DUSP7: variants seen among roughly 807,000 people sequenced by gnomAD.
DUSP7 encodes the protein dual specificity phosphatase 7.
DUSP7 carries 7 observed loss-of-function variants against 29.8 expected under a neutral mutation model. That is an observed-to-expected ratio of 0.24 (90% CI 0.13 to 0.44). The LOEUF is 0.44. Ranked by LOEUF, DUSP7 falls within the 20% of genes least tolerant of loss-of-function variation. DUSP7 has a pLI of 1.00. For synonymous variants in DUSP7, 287 were observed against 275.4 expected (o/e 1.04, Z -0.42); for missense variants, 400 against 583.7 (o/e 0.69, Z 3.24).
Position 52,050,566 on chromosome 3 carries a change from T to C in DUSP7, c.*249A>G. 4.0e-6 allele frequency: 2 copies of C among 498,572 alleles called. No individual in the cohort carries two copies. The highest frequency in any genetic ancestry group is 2.8e-5 in the South Asian group (1 of 35,394). 30.9% of individuals were successfully genotyped at this position (498,572 alleles called of 1,614,324 possible). A position where few individuals can be genotyped will look rare whatever the true frequency, so the allele number is the denominator to read the frequency against. ...GAGCGTCCTGGACAGGATGAGGCCC[T>C]GGTGGACGCCCAAAGCCACGTGTCC... On this transcript the variant is annotated 3_prime_UTR_variant, in exon 3 of 3. Coordinates refer to ENST00000495880, the MANE Select transcript of DUSP7 (RefSeq NM_001947.4). The surrounding 1 kb of genome is among the most constrained non-coding windows in gnomAD (Gnocchi z 5.0).
At position 52,053,420 on chromosome 3, in the gene DUSP7, A is replaced by C; in HGVS notation, c.952+520T>G. ...GCAAGCCCTACAGGCTGCAGAGAGC[A>C]TCTGGAGGCTGACTGAGCTAGCAGT... On this transcript the variant is annotated intron_variant, in intron 2 of 2. Transcript: ENST00000495880. The surrounding 1 kb of genome is among the most constrained non-coding windows in gnomAD (Gnocchi z 4.6). 5.3e-6 allele frequency: 1 copy of C among 188,030 alleles called. No homozygotes were observed. Among genetic ancestry groups the C allele is most frequent in the Non-Finnish European group, 1.1e-5 (1 of 88,594 alleles). The allele number at this position is 188,030 out of a possible 1,614,324, so 11.6% of individuals were successfully genotyped here.
At position 52,056,248 on chromosome 3, in the gene DUSP7, C is replaced by A; in HGVS notation, c.119G>T (p.Gly40Val). 5.1e-6 allele frequency: 7 copies of A among 1,383,268 alleles called. No homozygotes were observed. Among genetic ancestry groups the A allele is most frequent in the Admixed American group, 3.4e-5 (1 of 29,442 alleles). 85.7% of individuals were successfully genotyped at this position (1,383,268 alleles called of 1,614,324 possible). A position where few individuals can be genotyped will look rare whatever the true frequency, so the allele number is the denominator to read the frequency against. Residue 40 changes from glycine to valine, a missense_variant, in exon 1 of 3, where the codon GGC becomes GTC. By Grantham distance (109) the Gly-to-Val change is moderately radical. Around this residue, in one of 4 missense-constraint regions of DUSP7, gnomAD observed 96 missense variants for 97.1 expected, o/e 0.99. Transcript: ENST00000495880. This position sits in a 1 kb window ranked among gnomAD's most constrained non-coding sequence, Gnocchi z 6.4. Reference sequence around the variant, plus strand: ...CCCCGTCGCCGCGCCCGCCCCGGTGCCTGCGCCGGACCCCGACCCCGCACC... The same window carrying A: ...CCCCGTCGCCGCGCCCGCCCCGGTGACTGCGCCGGACCCCGACCCCGCACC... ...EPGAGSGSGA[G>V]TGAGAATGAG...
In DUSP7 at chr3:52,056,268, C is replaced by T. The variant is rs1180864692; in HGVS notation, c.99G>A (p.Ala33=). 3.0e-6 allele frequency: 4 copies of T among 1,314,064 alleles called. No individual in the cohort carries two copies. Among genetic ancestry groups the T allele is most frequent in the East Asian group, 3.2e-5 (1 of 31,320 alleles). 81.4% of individuals were successfully genotyped at this position (1,314,064 alleles called of 1,614,324 possible). A position where few individuals can be genotyped will look rare whatever the true frequency, so the allele number is the denominator to read the frequency against. Residue 33 remains alanine (A), a synonymous_variant, in exon 1 of 3, where the codon GCG becomes GCA. Coordinates refer to ENST00000495880, the MANE Select transcript of DUSP7 (RefSeq NM_001947.4). The surrounding 1 kb of genome is among the most constrained non-coding windows in gnomAD (Gnocchi z 6.4). ...GGTRAGSEPG[A]GSGSGAGTGA... ...CGGTGCCTGCGCCGGACCCCGACCC[C>T]GCACCGGGCTCGGACCCCGCCCGGG...
rs565813123 is a variant in DUSP7, at chr3:52,055,254, G to A, written c.517+596C>T. Reference sequence around the variant, plus strand: ...CCGGTGCTACCTCTCCCTTCTGCAAGCTCCGGGGCAGCAGGCTAGGGACCT... The same window carrying A: ...CCGGTGCTACCTCTCCCTTCTGCAAACTCCGGGGCAGCAGGCTAGGGACCT... On this transcript the variant is annotated intron_variant, in intron 1 of 2. Coordinates refer to ENST00000495880, the MANE Select transcript of DUSP7 (RefSeq NM_001947.4). Among the ~76,000 whole-genome samples the A allele has an allele frequency of 1.0e-3, 154 of 149,410 alleles. 1 individual carries two copies. Among genetic ancestry groups the A allele is most frequent in the Non-Finnish European group, 2.1e-3 (141 of 67,688 alleles).
At chr3:52,055,615 G>A (rs923125975) in intron 1 of DUSP7, among the ~76,000 whole-genome samples, 2 of 152,228 alleles carry the variant, frequency 1.3e-5, no homozygotes, top group Non-Finnish European at 2.9e-5. Context: ...CCCCAGGCAG[G>A]GGAAAGTTTG....
rs1324257171 is a variant in DUSP7, at chr3:52,054,404, G to A, written c.518-30C>T. ...GTCCAGGGTGAGACAGGGCCTGGGT[G>A]AGAGGCTGGTGAGAGCCCAGATGGG... On this transcript the variant is annotated intron_variant, in intron 1 of 2. Coordinates refer to ENST00000495880, the MANE Select transcript of DUSP7 (RefSeq NM_001947.4). This position sits in a 1 kb window ranked among gnomAD's most constrained non-coding sequence, Gnocchi z 4.1. 12 of 1,512,414 alleles carry A rather than the reference G, an allele frequency of 7.9e-6. No homozygotes were observed. The highest frequency in any genetic ancestry group is 6.8e-5 in the Admixed American group (3 of 44,438). The allele number at this position is 1,512,414 out of a possible 1,614,324, so 93.7% of individuals were successfully genotyped here.
At position 52,050,249 on chromosome 3, in the gene DUSP7, A is replaced by G. The variant is rs2106890055; in HGVS notation, c.*566T>C. ...TTTCCATTAAAAAACAAAAACAAAA[A>G]CAAACACGATACTTGCTTTTTGAAA... On this transcript the variant is annotated 3_prime_UTR_variant, in exon 3 of 3. Coordinates refer to ENST00000495880, the MANE Select transcript of DUSP7 (RefSeq NM_001947.4). The surrounding 1 kb of genome is among the most constrained non-coding windows in gnomAD (Gnocchi z 5.0). 1 of 152,332 alleles carries G rather than the reference A, an allele frequency of 6.6e-6. No homozygotes were observed. Among genetic ancestry groups the G allele is most frequent in the South Asian group, 2.1e-4 (1 of 4,832 alleles). The allele number at this position is 152,332 out of a possible 1,614,324, so 9.4% of individuals were successfully genotyped here. A position where few individuals can be genotyped will look rare whatever the true frequency, so the allele number is the denominator to read the frequency against.
chr3:52,056,021 G>A lies in DUSP7; in HGVS notation c.346C>T (p.Pro116Ser). The change falls in exon 1 of 3, where the codon CCC becomes TCC. Residue 116 changes from proline to serine, a missense_variant. Pro to Ser is a moderately conservative substitution (Grantham distance 74, BLOSUM62 -1). Around this residue, in one of 4 missense-constraint regions of DUSP7, gnomAD observed 223 missense variants for 360.9 expected, o/e 0.62. Transcript: ENST00000495880. The surrounding 1 kb of genome is among the most constrained non-coding windows in gnomAD (Gnocchi z 6.4). ...AAGCGCTCCTTGTCGGCGTGGTTGG[G>A]GATGATGGAGCGGATGGGCAGGTTG... ...KGNLPIRSII[P>S]NHADKERFAT... The A allele has an allele frequency of 6.3e-7, 1 of 1,593,650 alleles. No homozygotes were observed. Among genetic ancestry groups the A allele is most frequent in the South Asian group, 1.1e-5 (1 of 88,538 alleles).
At position 52,054,173 on chromosome 3, in the gene DUSP7, C is replaced by T. The variant is rs902223585; in HGVS notation, c.719G>A (p.Ser240Asn). ...TESDGSPVPS[S>N]QPAFPVQILP... ...GATCTGGACAGGGAAGGCTGGTTGG[C>T]TGGATGGCACAGGGCTGCCGTCTGA... Residue 240 changes from serine (S) to asparagine (N), a missense_variant, in exon 2 of 3, where the codon AGC becomes AAC. By Grantham distance (46) the Ser-to-Asn change is conservative. Coordinates refer to ENST00000495880, the MANE Select transcript of DUSP7 (RefSeq NM_001947.4). The surrounding 1 kb of genome is among the most constrained non-coding windows in gnomAD (Gnocchi z 4.1). 3.7e-6 allele frequency: 6 copies of T among 1,613,984 alleles called. No individual in the cohort carries two copies. Among genetic ancestry groups the T allele is most frequent in the Non-Finnish European group, 5.1e-6 (6 of 1,179,930 alleles).
In DUSP7 at chr3:52,054,229, C is replaced by G. The variant is rs201078227; in HGVS notation, c.663G>C (p.Ser221=). The change falls in exon 2 of 3, where the codon TCG becomes TCC. Residue 221 remains serine, a synonymous_variant. Coordinates refer to ENST00000495880, the MANE Select transcript of DUSP7 (RefSeq NM_001947.4). This position sits in a 1 kb window ranked among gnomAD's most constrained non-coding sequence, Gnocchi z 4.1. ...TGGCACTGCTGGGCAGCTCTCGGTC[C>G]GACTCGCCGTCGGAGCAGTCAGAGC... ...RISSDCSDGE[S]DRELPSSATE... The G allele has an allele frequency of 1.2e-6, 2 of 1,610,206 alleles. No individual in the cohort carries two copies. The highest frequency in any genetic ancestry group is 4.5e-5 in the East Asian group (2 of 44,796).
Position 52,050,671 on chromosome 3 carries a change from C to T in DUSP7, c.*144G>A, listed in dbSNP as rs1218430406. On this transcript the variant is annotated 3_prime_UTR_variant, in exon 3 of 3. Transcript: ENST00000495880. The surrounding 1 kb of genome is among the most constrained non-coding windows in gnomAD (Gnocchi z 5.0). ...CTGCCCCCAAGGATGGTGAGGGGCG[C>T]TCCGACACCGATCAGCCTGGGCCTC... 2 of 989,368 alleles carry T rather than the reference C, an allele frequency of 2.0e-6. No homozygotes were observed. Among genetic ancestry groups the T allele is most frequent in the African/African-American group, 3.3e-5 (2 of 60,676 alleles). The allele number at this position is 989,368 out of a possible 1,614,324, so 61.3% of individuals were successfully genotyped here.
chr3:52,050,156 C>T lies in DUSP7; in HGVS notation c.*659G>A, dbSNP rs1334871704. The T allele has an allele frequency of 1.3e-5, 2 of 152,166 alleles. No individual in the cohort carries two copies. The highest frequency in any genetic ancestry group is 6.5e-5 in the Admixed American group (1 of 15,282). The allele number at this position is 152,166 out of a possible 1,614,324, so 9.4% of individuals were successfully genotyped here. Reference sequence around the variant, plus strand: ...GTAAGCCACCCCTTCAAGAAGGGCCCGCTGAGGAAACAGAGGCTTCACACA... The same window carrying T: ...GTAAGCCACCCCTTCAAGAAGGGCCTGCTGAGGAAACAGAGGCTTCACACA... On this transcript the variant is annotated 3_prime_UTR_variant, in exon 3 of 3. Coordinates refer to ENST00000495880, the MANE Select transcript of DUSP7 (RefSeq NM_001947.4). This position sits in a 1 kb window ranked among gnomAD's most constrained non-coding sequence, Gnocchi z 5.0.
intron 1 of DUSP7, among the ~76,000 whole-genome samples, chr3:52,055,232 G>A (rs1701888671): frequency 7.1e-6 from 1 of 141,798 alleles, no homozygotes. Flanking sequence ...TCGCCCCCCG[G>A]TGCTACCTCT....
Position 52,051,507 on chromosome 3 carries a change from C to G in DUSP7, c.953-385G>C. ...CCATGTGCGTTAACGACTGCTGTCACGGGTGTCACCTGCATCCTCTTGGGT... is the reference window on the plus strand; with the variant it reads ...CCATGTGCGTTAACGACTGCTGTCAGGGGTGTCACCTGCATCCTCTTGGGT... On this transcript the variant is annotated intron_variant, in intron 2 of 2. Coordinates refer to ENST00000495880, the MANE Select transcript of DUSP7 (RefSeq NM_001947.4). The surrounding 1 kb of genome is among the most constrained non-coding windows in gnomAD (Gnocchi z 4.8). 5.2e-6 allele frequency: 1 copy of G among 193,066 alleles called. No homozygotes were observed. Among genetic ancestry groups the G allele is most frequent in the South Asian group, 1.2e-4 (1 of 8,138 alleles). The allele number at this position is 193,066 out of a possible 1,614,324, so 12.0% of individuals were successfully genotyped here. A position where few individuals can be genotyped will look rare whatever the true frequency, so the allele number is the denominator to read the frequency against.
chr3:52,050,808 C>T lies in DUSP7; in HGVS notation c.*7G>A. The T allele has an allele frequency of 1.9e-6, 3 of 1,605,700 alleles. No individual in the cohort carries two copies. The highest frequency in any genetic ancestry group is 2.6e-6 in the Non-Finnish European group (3 of 1,173,298). On this transcript the variant is annotated 3_prime_UTR_variant, in exon 3 of 3. Transcript: ENST00000495880. This position sits in a 1 kb window ranked among gnomAD's most constrained non-coding sequence, Gnocchi z 5.0. The stretch of plus-strand genomic sequence containing the variant: ...GGCCTGGTGCCATGCCCCCCGTGCA[C>T]CAGGCCTCACGTGGACTCCAGCGTA...
Position 52,050,944 on chromosome 3 carries a change from C to T in DUSP7, c.1131G>A (p.Gln377=). The change falls in exon 3 of 3, where the codon CAG becomes CAA. Residue 377 remains glutamine, a synonymous_variant. Coordinates refer to ENST00000495880, the MANE Select transcript of DUSP7 (RefSeq NM_001947.4). This position sits in a 1 kb window ranked among gnomAD's most constrained non-coding sequence, Gnocchi z 5.0. Reference sequence around the variant, plus strand: ...CCAGCGTCCGCTCAAAGTCCAGCAGCTGCCCCATGAAGTTGAAGTTGGGCG... The same window carrying T: ...CCAGCGTCCGCTCAAAGTCCAGCAGTTGCCCCATGAAGTTGAAGTTGGGCG... ...NISPNFNFMG[Q]LLDFERTLGL... is the part of the protein sequence containing the mutation. The T allele has an allele frequency of 6.2e-7, 1 of 1,614,270 alleles. No homozygotes were observed. The highest frequency in any genetic ancestry group is 1.1e-5 in the South Asian group (1 of 91,088).
In DUSP7 at chr3:52,053,374, G is replaced by C; in HGVS notation, c.952+566C>G. 1 of 163,932 alleles carries C rather than the reference G, an allele frequency of 6.1e-6. No homozygotes were observed. The highest frequency in any genetic ancestry group is 1.4e-5 in the Non-Finnish European group (1 of 73,900). The allele number at this position is 163,932 out of a possible 1,614,324, so 10.2% of individuals were successfully genotyped here. On this transcript the variant is annotated intron_variant, in intron 2 of 2. Coordinates refer to ENST00000495880, the MANE Select transcript of DUSP7 (RefSeq NM_001947.4). This position sits in a 1 kb window ranked among gnomAD's most constrained non-coding sequence, Gnocchi z 4.6. ...TTTCTCCACTCCCCCACCTTCTCTT[G>C]CACTCCTCCCTACACTCCAAGCAAG...
chr3:52,052,719 G>A (rs1701858541), intron 2 of DUSP7: 1 of 152,298 alleles, frequency 6.6e-6, no homozygotes, highest in Admixed American at 6.5e-5. Flanking sequence ...TGAGGAAAAA[G>A]GTCCCCCTAC....
Position 52,055,929 on chromosome 3 carries a change from C to G in DUSP7, c.438G>C (p.Glu146Asp). The part of the protein sequence containing the change: ...YDEATAEWQP[E>D]PGAPASVLGL... ...CGAGCACGGAGGCGGGAGCGCCGGG[C>G]TCGGGCTGCCACTCGGCCGTGGCCT... The change falls in exon 1 of 3, where the codon GAG (glutamate) becomes GAC (aspartate). Residue 146 changes from glutamate (E) to aspartate (D), a missense_variant. Coordinates refer to ENST00000495880, the MANE Select transcript of DUSP7 (RefSeq NM_001947.4). 4 of 1,541,482 alleles carry G rather than the reference C, an allele frequency of 2.6e-6. No homozygotes were observed. Among genetic ancestry groups the G allele is most frequent in the Non-Finnish European group, 3.5e-6 (4 of 1,145,098 alleles).
Sources: allele counts gnomAD v4.1 joint callset (sites outside exome capture counted in the v4.1 genomes callset), GRCh38; gene constraint gnomAD v4.1.1; regional missense constraint gnomAD v4.1.1; non-coding constraint Gnocchi (gnomAD v3.1); transcripts MANE v1.5; gene names NCBI Gene and HGNC (gene_info 2026-07-23, HGNC 2026-07-21).